Variants in VPS11 observed in about 807,000 individuals in gnomAD.
VPS11 encodes VPS11 core subunit of CORVET and HOPS complexes, also known as vacuolar protein sorting-associated protein 11 homolog.
In VPS11, 51 loss-of-function variants were observed where a neutral mutation model predicts 106.8. The ratio of observed to expected loss-of-function variants is 0.48; its 90% CI spans 0.38 to 0.60. VPS11 has a LOEUF of 0.60. Among genes scored for constraint, VPS11 ranks in the 20% least tolerant of loss-of-function variants. The pLI is 0.00. For synonymous variants in VPS11, 453 were observed against 458.7 expected (o/e 0.99, Z 0.16); for missense variants, 950 against 1,190.0 (o/e 0.80, Z 2.97).
rs1394544211 is a variant in VPS11 at position 119,081,065 on chromosome 11, C to T, written c.2439-27C>T. On this transcript the variant is annotated intron_variant, in intron 14 of 15. Transcript: ENST00000621676. ...CCTGGCCTTGCCCTCACTTTTGCCA[C>T]TCACTTCTGGTCTTTCTTCCCTGTA... 1.9e-5 allele frequency: 31 copies of T among 1,604,444 alleles called. No individual in the cohort carries two copies. The Admixed American group carries it at 5.2e-4, about 27-fold the overall frequency.
At chr11:119,069,075 TAAG>T (rs1945263335) in intron 1 of VPS11, 118 bp from the exon 2 acceptor site, 5 of 1,163,210 alleles carry the variant, frequency 4.3e-6, no homozygotes, top group South Asian at 1.4e-5. Context: ...CTTTTTAAGA[TAAG>T]GAGTATGTGG....
In VPS11 at chr11:119,071,833, G is replaced by T; in HGVS notation, c.874G>T (p.Val292Phe). The T allele has an allele frequency of 3.1e-6, 5 of 1,612,744 alleles. No homozygotes were observed. The highest frequency in any genetic ancestry group is 4.2e-6 in the Non-Finnish European group (5 of 1,178,836). The change falls in exon 5 of 16, where the codon GTT (valine) becomes TTT (phenylalanine). Residue 292 changes from valine (V) to phenylalanine (F), a missense_variant. By Grantham distance (50) the Val-to-Phe change is conservative. Around this residue, in one of 3 missense-constraint regions of VPS11, gnomAD observed 435 missense variants for 630.2 expected, o/e 0.69. Coordinates refer to ENST00000621676, the MANE Select transcript of VPS11 (RefSeq NM_021729.6). ...YLIIVSRDRK[V>F]SPKSEFTSRD... is the part of the protein sequence containing the mutation. Reference sequence around the variant, plus strand: ...TATCATTGTCTCCCGTGACCGGAAGGTTTCTCCCAAGTAAGGACTCAGTGA... The same window carrying T: ...TATCATTGTCTCCCGTGACCGGAAGTTTTCTCCCAAGTAAGGACTCAGTGA...
At chr11:119,070,927 C>CT (rs34565601) in intron 4 of VPS11, 73,995 of 111,210 alleles carry the variant, frequency 0.67, 21,567 homozygotes, top group East Asian at 0.84. Context: ...TTCTAACTAG[C>CT]TTTTTTTTTT....
rs1014485651 is a variant in VPS11, at chr11:119,073,492, T to C, written c.1086+93T>C. 7.0e-6 allele frequency: 10 copies of C among 1,433,470 alleles called. No homozygotes were observed. The Admixed American group carries it at 1.3e-4, about 18-fold the overall frequency. 88.8% of individuals were successfully genotyped at this position (1,433,470 alleles called of 1,614,324 possible). On this transcript the variant is annotated intron_variant, in intron 6 of 15. Coordinates refer to ENST00000621676, the MANE Select transcript of VPS11 (RefSeq NM_021729.6). Reference sequence around the variant, plus strand: ...AGTCATATTGGCCAGGGTGTTTCCCTCCTTGTGGGTCACAGCCTTACTCAG... The same window carrying C: ...AGTCATATTGGCCAGGGTGTTTCCCCCCTTGTGGGTCACAGCCTTACTCAG...
In VPS11 at chr11:119,067,832, C is replaced by T. The variant is rs2133638886; in HGVS notation, c.9C>T (p.Ala3=). MA[A]YLQWRRFVFF... ...GGGAGCCCTGGGCCAAAATGGCGGCCTACCTGCAGTGGCGGCGCTTCGTTT... is the reference window on the plus strand; with the variant it reads ...GGGAGCCCTGGGCCAAAATGGCGGCTTACCTGCAGTGGCGGCGCTTCGTTT... Residue 3 remains alanine (A), a synonymous_variant, in exon 1 of 16, where the codon GCC becomes GCT. Coordinates refer to ENST00000621676, the MANE Select transcript of VPS11 (RefSeq NM_021729.6). 33 of 1,545,556 alleles carry T rather than the reference C, an allele frequency of 2.1e-5. No homozygotes were observed. Among genetic ancestry groups the T allele is most frequent in the African/African-American group, 1.4e-5 (1 of 73,034 alleles).
At position 119,073,381 on chromosome 11, in the gene VPS11, C is replaced by T; in HGVS notation, c.1068C>T (p.Asp356=). 6.2e-7 allele frequency: 1 copy of T among 1,613,068 alleles called. No homozygotes were observed. The highest frequency in any genetic ancestry group is 8.5e-7 in the Non-Finnish European group (1 of 1,179,866). Residue 356 remains aspartate, a synonymous_variant, in exon 6 of 16, where the codon GAC becomes GAT. Coordinates refer to ENST00000621676, the MANE Select transcript of VPS11 (RefSeq NM_021729.6). ...DGRVHALQEK[D]TQTKLEMLFK... ...GGGTCCACGCACTGCAGGAGAAGGA[C>T]ACACAGACCAAACTGGAGGCAAGGC...
rs529935246 is a variant in VPS11, at chr11:119,081,162, C to T, written c.2509C>T (p.Leu837=). The stretch of plus-strand genomic sequence containing the variant: ...CTTGGAGTTGCCCTCAGTCCACTTC[C>T]TGTGTGGCCACTCCTTCCACCAACA... ...SALELPSVHF[L]CGHSFHQHCF... The change falls in exon 15 of 16, where the codon CTG becomes TTG. Residue 837 remains leucine (L), a synonymous_variant. Coordinates refer to ENST00000621676, the MANE Select transcript of VPS11 (RefSeq NM_021729.6). The T allele has an allele frequency of 1.2e-6, 2 of 1,614,046 alleles. No homozygotes were observed. Among genetic ancestry groups the T allele is most frequent in the East Asian group, 2.2e-5 (1 of 44,890 alleles).
Position 119,073,673 on chromosome 11 carries a change from T to G in VPS11, c.1087-127T>G, listed in dbSNP as rs377734496. On this transcript the variant is annotated intron_variant, in intron 6 of 15. Coordinates refer to ENST00000621676, the MANE Select transcript of VPS11 (RefSeq NM_021729.6). ...GATCTTGGGGATATCTGGTAGCTCT[T>G]GGTTTGTCTAGGATCTAGGCAGATC... The G allele has an allele frequency of 5.2e-5, 56 of 1,081,344 alleles. No individual in the cohort carries two copies. In the South Asian group the frequency reaches 8.7e-4, roughly 17 times the overall value. 67.0% of individuals were successfully genotyped at this position (1,081,344 alleles called of 1,614,324 possible). A position where few individuals can be genotyped will look rare whatever the true frequency, so the allele number is the denominator to read the frequency against.
rs1345489477 is a variant in VPS11 at position 119,077,821 on chromosome 11, T to C, written c.1573-57T>C. 8.8e-6 allele frequency: 14 copies of C among 1,592,154 alleles called. No individual in the cohort carries two copies. The Admixed American group carries it at 2.1e-4, about 24-fold the overall frequency. On this transcript the variant is annotated intron_variant, in intron 9 of 15. Transcript: ENST00000621676. ...GAAGACATCTCCAGAATGGTGAAAG[T>C]GCTTCCTGGTGGCTGAGGCAGGAGT...
chr11:119,077,473 A>C, intron 8 of VPS11, 28 bp from the exon 9 acceptor site: 1 of 1,609,258 alleles, frequency 6.2e-7, no homozygotes, highest in Non-Finnish European at 8.5e-7. Flanking sequence ...CTCTGTGTAA[A>C]TGATTTTGTC....
At chr11:119,071,566 G>T in intron 4 of VPS11, 30 bp from the exon 5 acceptor site, 1 of 1,610,002 alleles carries the variant, frequency 6.2e-7, no homozygotes, top group South Asian at 1.1e-5. Flanking sequence ...CCTCAAAGGA[G>T]CCTGTTAACC....
In VPS11 at chr11:119,076,893, C is replaced by A. The variant is rs935117316; in HGVS notation, c.1239-4C>A. 5.0e-6 allele frequency: 8 copies of A among 1,613,704 alleles called. No individual in the cohort carries two copies. Among genetic ancestry groups the A allele is most frequent in the Admixed American group, 1.7e-5 (1 of 59,982 alleles). ...GATGCTATCGGGTGCACATGTCTCC[C>A]TAGAACCATTGGAAAGTTGGAGCCA... On this transcript the variant is annotated splice_region_variant and splice_polypyrimidine_tract_variant and intron_variant, in intron 7 of 15. Coordinates refer to ENST00000621676, the MANE Select transcript of VPS11 (RefSeq NM_021729.6).
rs782136006 is a variant in VPS11 at position 119,076,902 on chromosome 11, T to C, written c.1244T>C (p.Ile415Thr). Reference sequence around the variant, plus strand: ...GGGTGCACATGTCTCCCTAGAACCATTGGAAAGTTGGAGCCATCCTACGTG... The same window carrying C: ...GGGTGCACATGTCTCCCTAGAACCACTGGAAAGTTGGAGCCATCCTACGTG... Reference protein sequence around the residue: ...DGAVQQYIRTIGKLEPSYVIR... With the variant: ...DGAVQQYIRTTGKLEPSYVIR... The change falls in exon 8 of 16, where the codon ATT (isoleucine) becomes ACT (threonine). Residue 415 changes from isoleucine to threonine, a missense_variant. Ile to Thr is a moderately conservative substitution (Grantham distance 89). Transcript: ENST00000621676. The C allele has an allele frequency of 7.4e-6, 12 of 1,613,782 alleles. No individual in the cohort carries two copies. The highest frequency in any genetic ancestry group is 6.7e-5 in the Admixed American group (4 of 59,990).
At chr11:119,077,394 G>T in intron 8 of VPS11, 107 bp from the exon 9 acceptor site, 1 of 1,428,144 alleles carries the variant, frequency 7.0e-7, no homozygotes, top group South Asian at 1.4e-5. Context: ...TTTTCAAAGT[G>T]TGAACGTTAT....
At chr11:119,069,082 T>C in intron 1 of VPS11, 114 bp from the exon 2 acceptor site, 1 of 1,257,222 alleles carries the variant, frequency 8.0e-7, no homozygotes, top group Non-Finnish European at 1.1e-6. Context: ...AGATAAGGAG[T>C]ATGTGGGAAA....
In VPS11 at chr11:119,076,563, AAAAG is replaced by A. The variant is rs375326112; in HGVS notation, c.1239-328_1239-325del. Among the ~76,000 whole-genome samples, 11 of 152,218 alleles carry A rather than the reference AAAAG, an allele frequency of 7.2e-5. No homozygotes were observed. The East Asian group carries it at 1.2e-3, about 16-fold the overall frequency. ...AATTAATTAAATTTTAAAATAATGT[AAAAG>A]AAAGAGAACAAAAATACAACAATAA... On this transcript the variant is annotated intron_variant, in intron 7 of 15. Transcript: ENST00000621676.
chr11:119,078,541 A>G, intron 11 of VPS11, 24 bp from the exon 12 acceptor site: 1 of 1,600,812 alleles, frequency 6.2e-7, no homozygotes, highest in Non-Finnish European at 8.6e-7. Context: ...TTTGTCCAGC[A>G]GCTCTGCCCT....
At position 119,069,396 on chromosome 11, in the gene VPS11, T is replaced by C. The variant is rs1261559629; in HGVS notation, c.337-46T>C. 3 of 1,613,644 alleles carry C rather than the reference T, an allele frequency of 1.9e-6. No individual in the cohort carries two copies. In the African/African-American group the frequency reaches 4.0e-5, roughly 22 times the overall value. The stretch of plus-strand genomic sequence containing the variant: ...GATCCAGAAGCCTAGGAATGATTTT[T>C]TGTTGGAGGATGACTAGCATTTACA... On this transcript the variant is annotated intron_variant, in intron 2 of 15. Coordinates refer to ENST00000621676, the MANE Select transcript of VPS11 (RefSeq NM_021729.6).
Position 119,081,268 on chromosome 11 carries a change from G to T in VPS11, c.2615G>T (p.Arg872Leu). The T allele has an allele frequency of 6.2e-7, 1 of 1,613,856 alleles. No individual in the cohort carries two copies. The highest frequency in any genetic ancestry group is 2.2e-5 in the East Asian group (1 of 44,876). ...AACCGGAAGGTCATGGATATGATCCGGGCCCAGGAACAGAAACGAGATCTC... is the reference window on the plus strand; with the variant it reads ...AACCGGAAGGTCATGGATATGATCCTGGCCCAGGAACAGAAACGAGATCTC... ...PENRKVMDMI[R>L]AQEQKRDLHD... Residue 872 changes from arginine (R) to leucine (L), a missense_variant, in exon 15 of 16, where the codon CGG becomes CTG. By Grantham distance (102) the Arg-to-Leu change is moderately radical. Coordinates refer to ENST00000621676, the MANE Select transcript of VPS11 (RefSeq NM_021729.6).
Sources: gnomAD v4.1 joint callset for allele counts (sites outside exome capture counted in the v4.1 genomes callset) on GRCh38, gnomAD v4.1.1 for gene constraint, gnomAD v4.1.1 regional missense constraint, MANE v1.5 for transcripts, NCBI Gene and HGNC (gene_info 2026-07-23, HGNC 2026-07-21) for gene names.